Variants in CIT observed in about 807,000 individuals in gnomAD.
CIT encodes the protein citron rho-interacting serine/threonine kinase.
In CIT, 79 loss-of-function variants were observed where a neutral mutation model predicts 272.7. The observed-to-expected ratio is 0.29, with a 90% CI of 0.24 to 0.35. The LOEUF is 0.35. CIT is among the 10% of genes least tolerant of loss of function. The probability of loss-of-function intolerance (pLI) is 1.00; values close to 1 mark genes in which losing one functional copy is unlikely to be tolerated. For missense variants in CIT, 1,909 were observed against 2,618.3 expected (o/e 0.73, Z 5.91); for synonymous variants, 948 against 995.6 (o/e 0.95, Z 0.90).
At chr12:119,836,437 G>C (rs1258441817) in intron 5 of CIT, among the ~76,000 whole-genome samples, 2 of 151,988 alleles carry the variant, frequency 1.3e-5, no homozygotes, top group Non-Finnish European at 2.9e-5. Context: ...GAGCCACCTG[G>C]CTGCCTGTAG....
intron 10 of CIT, among the ~76,000 whole-genome samples, chr12:119,800,786 A>G (rs1966126276): frequency 6.6e-6 from 1 of 152,232 alleles, no homozygotes; most frequent in South Asian, 2.1e-4. Flanking sequence ...CTCTCCAAGT[A>G]AATTTTGTCA....
At chr12:119,715,932 A>G (rs756815170) in intron 32 of CIT, among the ~76,000 whole-genome samples, 1 of 152,190 alleles carries the variant, frequency 6.6e-6, no homozygotes, top group Non-Finnish European at 1.5e-5. Flanking sequence ...AGGAATAAAT[A>G]ACAGGAATGC....
At chr12:119,738,236 T>A (rs904607849) in intron 24 of CIT, among the ~76,000 whole-genome samples, 7 of 152,214 alleles carry the variant, frequency 4.6e-5, no homozygotes, top group Non-Finnish European at 8.8e-5. Flanking sequence ...TTATTCACTT[T>A]TTTATTCAGA....
At chr12:119,797,937 A>G (rs147447403) in intron 10 of CIT, among the ~76,000 whole-genome samples, 307 of 152,360 alleles carry the variant, frequency 2.0e-3, no homozygotes, top group African/African-American at 6.8e-3. Flanking sequence ...TAGATGGATT[A>G]ACCAAATGCT....
chr12:119,769,408 G>A (rs187537411), intron 18 of CIT, among the ~76,000 whole-genome samples: 248 of 152,258 alleles, frequency 1.6e-3, no homozygotes, highest in Non-Finnish European at 3.0e-3. Flanking sequence ...TGCAAATACT[G>A]TTGTTTGCTG....
intron 19 of CIT, among the ~76,000 whole-genome samples, chr12:119,765,487 T>G (rs1257213451): frequency 6.9e-6 from 1 of 145,928 alleles, no homozygotes; most frequent in Non-Finnish European, 1.5e-5. Flanking sequence ...TTTTTTTTTT[T>G]TGAGACAGGG....
chr12:119,792,450 CA>C (rs2137785992), intron 10 of CIT, among the ~76,000 whole-genome samples: 1 of 152,184 alleles, frequency 6.6e-6, no homozygotes, highest in African/African-American at 2.4e-5. Flanking sequence ...TAAGATTGAG[CA>C]TTCCGAAATT....
chr12:119,852,946 G>T (rs530308708), intron 4 of CIT, among the ~76,000 whole-genome samples: 4 of 151,818 alleles, frequency 2.6e-5, no homozygotes, highest in African/African-American at 9.7e-5. Context: ...TGTATGTGAC[G>T]GTTAGTCTTA....
chr12:119,693,931 T>G (rs1256554715), intron 46 of CIT, among the ~76,000 whole-genome samples: 1 of 152,236 alleles, frequency 6.6e-6, no homozygotes, highest in African/African-American at 2.4e-5. Flanking sequence ...ATAGACATTA[T>G]GTCGGGCACA....
At chr12:119,832,901 T>A in intron 6 of CIT, 37 bp from the exon 7 acceptor site, 2 of 1,495,046 alleles carry the variant, frequency 1.3e-6, no homozygotes. Flanking sequence ...GCCTCCTCCA[T>A]CCCAATCAGC....
At chr12:119,702,091 C>A in intron 41 of CIT, 133 bp from the exon 42 acceptor site, 3 of 647,986 alleles carry the variant, frequency 4.6e-6, no homozygotes, top group East Asian at 2.7e-5. Context: ...TTCACGTTGT[C>A]ATAGAGAGCC....
intron 4 of CIT, among the ~76,000 whole-genome samples, chr12:119,855,886 C>T (rs280590): frequency 0.14 from 21,253 of 152,038 alleles, 3,159 homozygotes; most frequent in African/African-American, 0.37. Context: ...CAGGGCTACA[C>T]GTAATGCCTC....
chr12:119,786,076 CT>C (rs1964769511), intron 10 of CIT, among the ~76,000 whole-genome samples: 1 of 151,846 alleles, frequency 6.6e-6, no homozygotes, highest in African/African-American at 2.4e-5. Flanking sequence ...TTTTCCTTCA[CT>C]GACAGATACA....
chr12:119,713,933 G>A lies in CIT; in HGVS notation c.4306+264C>T. 3.3e-6 allele frequency: 2 copies of A among 606,544 alleles called. No homozygotes were observed. The highest frequency in any genetic ancestry group is 2.0e-5 in the South Asian group (1 of 49,234). The allele number at this position is 606,544 out of a possible 1,614,324, so 37.6% of individuals were successfully genotyped here. On this transcript the variant is annotated intron_variant, in intron 33 of 47. Transcript: ENST00000392521. This position sits in a 1 kb window ranked among gnomAD's most constrained non-coding sequence, Gnocchi z 5.2. ...ATGTTTCAGTTGGAGTCAGCGGAAAGGTAGGGAGAGACCAGCCTGACAAAA... is the reference window on the plus strand; with the variant it reads ...ATGTTTCAGTTGGAGTCAGCGGAAAAGTAGGGAGAGACCAGCCTGACAAAA...
chr12:119,786,547 T>C (rs400551), intron 10 of CIT, among the ~76,000 whole-genome samples: 67,848 of 152,018 alleles, frequency 0.45, 15,664 homozygotes, highest in Admixed American at 0.56. Flanking sequence ...GAGCCCACCA[T>C]TACCCCTGGG....
chr12:119,807,813 G>A (rs2137918832), intron 9 of CIT, among the ~76,000 whole-genome samples: 1 of 151,720 alleles, frequency 6.6e-6, no homozygotes. Context: ...TCCCCCAGCT[G>A]CCACATACCC....
chr12:119,730,063 C>T (rs570536854), intron 27 of CIT, among the ~76,000 whole-genome samples: 22 of 152,244 alleles, frequency 1.4e-4, no homozygotes, highest in African/African-American at 5.3e-4. Flanking sequence ...GACCCTATCA[C>T]GACCCTGAAC....
rs952221650 is a variant in CIT, at chr12:119,708,483, AT to A, written c.5072-166del. ...CACATTTTAGGTCCATGATTTATTT[AT>A]TTTTTTTTTTTAAATTTTTGAGACA... On this transcript the variant is annotated intron_variant, in intron 39 of 47. Transcript: ENST00000392521. 4.6e-4 allele frequency among the ~76,000 whole-genome samples: 68 copies of A among 148,056 alleles called. 1 individual carries two copies. The highest frequency in any genetic ancestry group is 1.1e-3 in the South Asian group (5 of 4,650).
intron 7 of CIT, among the ~76,000 whole-genome samples, chr12:119,832,037 C>T (rs1366617187): frequency 1.3e-5 from 2 of 152,110 alleles, no homozygotes; most frequent in African/African-American, 2.4e-5. Flanking sequence ...ATCAAGTTCC[C>T]AAGGATTTGT....
Sources: allele counts gnomAD v4.1 joint callset (sites outside exome capture counted in the v4.1 genomes callset), GRCh38; gene constraint gnomAD v4.1.1; non-coding constraint Gnocchi (gnomAD v3.1); transcripts MANE v1.5; gene names NCBI Gene and HGNC (gene_info 2026-07-23, HGNC 2026-07-21).